Variants in PTPRG observed in about 807,000 individuals in gnomAD.
PTPRG encodes the protein protein tyrosine phosphatase receptor type G.
A neutral mutation model predicts 165.3 loss-of-function variants in PTPRG; 102 were observed. That is an observed-to-expected ratio of 0.62 (90% confidence interval 0.53 to 0.73). PTPRG has a LOEUF of 0.73. Ranked by LOEUF, PTPRG falls within the 30% of genes least tolerant of loss-of-function variation. The probability of loss-of-function intolerance (pLI) is 0.00; values close to 1 mark genes in which losing one functional copy is unlikely to be tolerated. For missense variants in PTPRG, 1,866 were observed against 1,861.4 expected (o/e 1.00, Z -0.05); for synonymous variants, 675 against 669.5 (o/e 1.01, Z -0.13).
chr3:62,003,442 G>A lies in PTPRG; in HGVS notation c.464G>A (p.Ser155Asn). 1 of 1,614,068 alleles carries A rather than the reference G, an allele frequency of 6.2e-7. No individual in the cohort carries two copies. Among genetic ancestry groups the A allele is most frequent in the South Asian group, 1.1e-5 (1 of 91,078 alleles). Residue 155 changes from serine (S) to asparagine (N), a missense_variant, in exon 4 of 30, where the codon AGC (serine) becomes AAC (asparagine). By Grantham distance (46) the Ser-to-Asn change is conservative. Coordinates refer to ENST00000474889, the MANE Select transcript of PTPRG (RefSeq NM_002841.4). ...AAGGTGGAATTTCACTGGGGCCACA[G>A]CAATGGCTCAGCGGGCTCTGAACAC... ...AEKVEFHWGH[S>N]NGSAGSEHSI...
chr3:62,086,349 G>A (rs1701752841), intron 5 of PTPRG, among the ~76,000 whole-genome samples: 1 of 151,746 alleles, frequency 6.6e-6, no homozygotes, highest in Non-Finnish European at 1.5e-5. Flanking sequence ...GAGAGAGAGA[G>A]AAGGGATAAA....
intron 2 of PTPRG, among the ~76,000 whole-genome samples, chr3:61,916,046 G>C (rs529655400): frequency 2.6e-4 from 40 of 152,282 alleles, no homozygotes; most frequent in Admixed American, 5.9e-4. Context: ...AATATACAGA[G>C]TGCTATTAAA....
chr3:61,789,290 C>A (rs1209809110), intron 2 of PTPRG, among the ~76,000 whole-genome samples: 1 of 151,942 alleles, frequency 6.6e-6, no homozygotes, highest in Admixed American at 6.6e-5. Context: ...TTTGTAGAGA[C>A]GGGGTCTCCC....
intron 1 of PTPRG, among the ~76,000 whole-genome samples, chr3:61,708,860 C>A (rs1158557353): frequency 1.3e-5 from 2 of 152,198 alleles, no homozygotes; most frequent in Non-Finnish European, 2.9e-5. Flanking sequence ...TTTCATGTGA[C>A]TGTGAAGGTG....
intron 1 of PTPRG, among the ~76,000 whole-genome samples, chr3:61,674,103 C>G (rs1405980612): frequency 2.2e-4 from 33 of 151,572 alleles, no homozygotes; most frequent in Admixed American, 2.2e-3. Context: ...ATGGGTGCAG[C>G]AAACCACCAT....
intron 8 of PTPRG, among the ~76,000 whole-genome samples, chr3:62,184,292 C>T (rs1368340493): frequency 2.6e-5 from 4 of 152,156 alleles, no homozygotes; most frequent in Middle Eastern, 3.2e-3. Flanking sequence ...TTGATTCCAT[C>T]GTTCCCAGTT....
chr3:61,821,701 AG>A lies in PTPRG; in HGVS notation c.190+72722del, dbSNP rs1474359910. ...AAAGTTAAAGAGATATAAACAGTAG[AG>A]GGTAAGGGGTCGTGAGGTGAGTGTA... On this transcript the variant is annotated intron_variant, in intron 2 of 29. Transcript: ENST00000474889. Among the ~76,000 whole-genome samples, 6 of 152,308 alleles carry A rather than the reference AG, an allele frequency of 3.9e-5. No individual in the cohort carries two copies. In the South Asian group the frequency reaches 6.2e-4, roughly 16 times the overall value.
At position 62,252,748 on chromosome 3, in the gene PTPRG, A is replaced by G. The variant is rs1325452889; in HGVS notation, c.2468-2376A>G. 2.0e-5 allele frequency among the ~76,000 whole-genome samples: 3 copies of G among 152,234 alleles called. No homozygotes were observed. Among genetic ancestry groups the G allele is most frequent in the Non-Finnish European group, 2.9e-5 (2 of 68,038 alleles). On this transcript the variant is annotated intron_variant, in intron 15 of 29. Coordinates refer to ENST00000474889, the MANE Select transcript of PTPRG (RefSeq NM_002841.4). This position sits in a 1 kb window ranked among gnomAD's most constrained non-coding sequence, Gnocchi z 4.6. Reference sequence around the variant, plus strand: ...GTCATAGCCTTATATTCATCTCAGTATAAAGAAAAGAGATTTATGACTCCT... The same window carrying G: ...GTCATAGCCTTATATTCATCTCAGTGTAAAGAAAAGAGATTTATGACTCCT...
intron 2 of PTPRG, among the ~76,000 whole-genome samples, chr3:61,825,347 G>C (rs2036075368): frequency 6.6e-6 from 1 of 152,134 alleles, no homozygotes; most frequent in Non-Finnish European, 1.5e-5. Flanking sequence ...AGATTAAATA[G>C]ACAAACTACA....
intron 1 of PTPRG, among the ~76,000 whole-genome samples, chr3:61,691,473 T>C (rs1458582102): frequency 1.3e-5 from 2 of 152,204 alleles, no homozygotes; most frequent in African/African-American, 4.8e-5. Flanking sequence ...GTGCTTCATA[T>C]ATATGAGGAT....
Position 62,224,692 on chromosome 3 carries a change from C to A in PTPRG, c.2288+5709C>A, listed in dbSNP as rs1233088100. 6.6e-6 allele frequency among the ~76,000 whole-genome samples: 1 copy of A among 152,182 alleles called. No homozygotes were observed. Among genetic ancestry groups the A allele is most frequent in the Non-Finnish European group, 1.5e-5 (1 of 68,032 alleles). ...TGAAACTAAAAACCATGAGCAGAAA[C>A]CTCGGATACCTGTATGTCTGAGAGA... On this transcript the variant is annotated intron_variant, in intron 13 of 29. Transcript: ENST00000474889. This position sits in a 1 kb window ranked among gnomAD's most constrained non-coding sequence, Gnocchi z 4.9.
At chr3:61,674,326 C>A (rs757325262) in intron 1 of PTPRG, among the ~76,000 whole-genome samples, 1 of 151,600 alleles carries the variant, frequency 6.6e-6, no homozygotes, top group Non-Finnish European at 1.5e-5. Context: ...TCTACTGTTA[C>A]CTAATGTGTT....
At chr3:62,115,824 A>G (rs1448787080) in intron 5 of PTPRG, among the ~76,000 whole-genome samples, 1 of 152,042 alleles carries the variant, frequency 6.6e-6, no homozygotes, top group Non-Finnish European at 1.5e-5. Flanking sequence ...GGTGTGAGCC[A>G]CCACTCCTGA....
chr3:61,872,862 T>C (rs2037622107), intron 2 of PTPRG, among the ~76,000 whole-genome samples: 1 of 152,104 alleles, frequency 6.6e-6, no homozygotes, highest in Admixed American at 6.5e-5. Context: ...GCCATCAAAG[T>C]AAAATACCCA....
chr3:62,122,553 G>A (rs1204126830), intron 5 of PTPRG, among the ~76,000 whole-genome samples: 1 of 152,166 alleles, frequency 6.6e-6, no homozygotes, highest in East Asian at 1.9e-4. Flanking sequence ...CAGCACCCAC[G>A]CCACTGCATA....
At chr3:61,936,247 C>G (rs562735114) in intron 2 of PTPRG, among the ~76,000 whole-genome samples, 1 of 152,212 alleles carries the variant, frequency 6.6e-6, no homozygotes, top group Non-Finnish European at 1.5e-5. Flanking sequence ...AATTTTGTTA[C>G]AGCAGCACAG....
chr3:62,273,682 G>A lies in PTPRG; in HGVS notation c.3319-16G>A. On this transcript the variant is annotated splice_polypyrimidine_tract_variant and intron_variant, in intron 22 of 29. Coordinates refer to ENST00000474889, the MANE Select transcript of PTPRG (RefSeq NM_002841.4). This position sits in a 1 kb window ranked among gnomAD's most constrained non-coding sequence, Gnocchi z 4.1. ...TTAACACTCCCTCAGTGACTACCAT[G>A]TATTGTACCTCTTAGGAGCAGTACA... 1 of 1,612,336 alleles carries A rather than the reference G, an allele frequency of 6.2e-7. No homozygotes were observed. The highest frequency in any genetic ancestry group is 8.5e-7 in the Non-Finnish European group (1 of 1,178,520).
At chr3:62,200,202 C>T (rs936332449) in intron 10 of PTPRG, among the ~76,000 whole-genome samples, 7 of 152,200 alleles carry the variant, frequency 4.6e-5, no homozygotes, top group African/African-American at 7.2e-5. Context: ...ACAACCTTAA[C>T]ACTACTGAAC....
intron 2 of PTPRG, among the ~76,000 whole-genome samples, chr3:61,853,052 G>T (rs1409737266): frequency 6.6e-6 from 1 of 152,176 alleles, no homozygotes; most frequent in Non-Finnish European, 1.5e-5. Context: ...TACATGCAGG[G>T]GATAGGATAG....
Sources: allele counts gnomAD v4.1 joint callset (sites outside exome capture counted in the v4.1 genomes callset), GRCh38; gene constraint gnomAD v4.1.1; non-coding constraint Gnocchi (gnomAD v3.1); transcripts MANE v1.5; gene names NCBI Gene and HGNC (gene_info 2026-07-23, HGNC 2026-07-21).